Variants in SEC11A observed in about 807,000 individuals in gnomAD.
SEC11A encodes the protein SEC11 homolog A, signal peptidase complex subunit.
A neutral mutation model predicts 25.6 loss-of-function variants in SEC11A; 14 were observed. That is an observed-to-expected ratio of 0.55 (90% CI 0.36 to 0.85). SEC11A has a LOEUF of 0.85. Ranked by LOEUF, SEC11A falls within the 40% of genes least tolerant of loss-of-function variation. SEC11A has a pLI of 0.01. For missense variants in SEC11A, 153 were observed against 222.9 expected, an observed-to-expected ratio of 0.69 and a Z score of 2.00; for synonymous variants, 83 against 76.4, an observed-to-expected ratio of 1.09 and a Z score of -0.45.
At chr15:84,684,837 CAGG>C (rs1567036594) in intron 3 of SEC11A, among the ~76,000 whole-genome samples, 1 of 152,048 alleles carries the variant, frequency 6.6e-6, no homozygotes, top group Admixed American at 6.6e-5. Flanking sequence ...GAGGCTGAGG[CAGG>C]AGAATTGCTT....
chr15:84,687,614 T>C lies in SEC11A; in HGVS notation c.311+11A>G. 6.4e-7 allele frequency: 1 copy of C among 1,564,468 alleles called. No homozygotes were observed. Among genetic ancestry groups the C allele is most frequent in the Non-Finnish European group, 8.6e-7 (1 of 1,166,104 alleles). ...GCACTTAGAAACAAAGATGCTATAC[T>C]TTGCACATACTTTTCATGAATCTTC... On this transcript the variant is annotated intron_variant, in intron 3 of 5. Transcript: ENST00000268220.
At position 84,670,036 on chromosome 15, in the gene SEC11A, G is replaced by T; in HGVS notation, c.523C>A (p.Leu175Met). The T allele has an allele frequency of 6.2e-7, 1 of 1,613,506 alleles. No individual in the cohort carries two copies. The highest frequency in any genetic ancestry group is 1.1e-5 in the South Asian group (1 of 90,994). The change falls in exon 6 of 6, where the codon CTG becomes ATG. Residue 175 changes from leucine to methionine, a missense_variant. Physicochemically the swap from Leu to Met is conservative, Grantham distance 15 (BLOSUM62 2). Coordinates refer to ENST00000268220, the MANE Select transcript of SEC11A (RefSeq NM_014300.4). ...CAGGCTTCTTACTCACGATGAACCA[G>T]CACGAATAAACCCAGCAAAAAGAGA... ...AVLFLLGLFV[L>M]VHRE
rs575871302 is a variant in SEC11A, at chr15:84,677,950, C to T, written c.431+2763G>A. Among the ~76,000 whole-genome samples the T allele has an allele frequency of 1.9e-3, 295 of 152,284 alleles. 2 individuals are homozygous for T. Among genetic ancestry groups the T allele is most frequent in the Non-Finnish European group, 2.1e-3 (145 of 68,022 alleles). ...GTGGCTCATGCCTGTGGTCCCAGCA[C>T]TTTAGGAGACCATGGTAGGCAGGTC... is the stretch of plus-strand genomic sequence containing the variant. On this transcript the variant is annotated intron_variant, in intron 4 of 5. Coordinates refer to ENST00000268220, the MANE Select transcript of SEC11A (RefSeq NM_014300.4).
intron 3 of SEC11A, 44 bp downstream of exon 3, chr15:84,687,581 A>AAACAAAAGCACTT (rs1162323112): frequency 6.7e-7 from 1 of 1,488,580 alleles, no homozygotes; most frequent in Non-Finnish European, 8.9e-7. Flanking sequence ...ACAAACACTT[A>AAACAAAAGCACTT]AACAAAAGCA....
Position 84,669,948 on chromosome 15 carries a change from G to T in SEC11A, c.*71C>A. 1.2e-6 allele frequency: 2 copies of T among 1,608,654 alleles called. No individual in the cohort carries two copies. The highest frequency in any genetic ancestry group is 2.2e-5 in the South Asian group (2 of 89,566). On this transcript the variant is annotated 3_prime_UTR_variant, in exon 6 of 6. Coordinates refer to ENST00000268220, the MANE Select transcript of SEC11A (RefSeq NM_014300.4). ...TGTGTTCTCCATTCCACCAATCACAGACCAGTATCTACTCCAAACATCCAG... is the reference window on the plus strand; with the variant it reads ...TGTGTTCTCCATTCCACCAATCACATACCAGTATCTACTCCAAACATCCAG...
At position 84,716,040 on chromosome 15, in the gene SEC11A, C is replaced by T; in HGVS notation, c.36G>A (p.Arg12=). The change falls in exon 1 of 6, where the codon CGG becomes CGA. Residue 12 remains arginine (R), a synonymous_variant. Transcript: ENST00000268220. Reference sequence around the variant, plus strand: ...ACAAGCTCACCTGCCGCTTGTTCATCCGCCGCACATCGTCCAAAAAGTCTA... The same window carrying T: ...ACAAGCTCACCTGCCGCTTGTTCATTCGCCGCACATCGTCCAAAAAGTCTA... ...LSLDFLDDVR[R]MNKRQLYYQV... 4.3e-6 allele frequency: 7 copies of T among 1,613,730 alleles called. No homozygotes were observed. The highest frequency in any genetic ancestry group is 5.9e-6 in the Non-Finnish European group (7 of 1,179,748).
intron 1 of SEC11A, among the ~76,000 whole-genome samples, chr15:84,710,343 G>C (rs1437758760): frequency 2.0e-5 from 3 of 152,004 alleles, no homozygotes; most frequent in Non-Finnish European, 2.9e-5. Flanking sequence ...GCTCTTAAAG[G>C]TGATTGTTGG....
chr15:84,705,632 A>G (rs1445502837), intron 1 of SEC11A, among the ~76,000 whole-genome samples: 2 of 151,910 alleles, frequency 1.3e-5, no homozygotes, highest in African/African-American at 4.8e-5. Flanking sequence ...AGGCAGGTGG[A>G]TTACCTGAGG....
Position 84,670,707 on chromosome 15 carries a change from A to G in SEC11A, c.489+18T>C. The G allele has an allele frequency of 7.9e-7, 1 of 1,262,972 alleles. No individual in the cohort carries two copies. 78.2% of individuals were successfully genotyped at this position (1,262,972 alleles called of 1,614,324 possible). A position where few individuals can be genotyped will look rare whatever the true frequency, so the allele number is the denominator to read the frequency against. ...AAAGATTACATTTTTTAATAAAACA[A>G]ATAATACAGACTCTTACCTTAAATT... On this transcript the variant is annotated intron_variant, in intron 5 of 5. Coordinates refer to ENST00000268220, the MANE Select transcript of SEC11A (RefSeq NM_014300.4).
chr15:84,688,789 G>A (rs1437565105), intron 2 of SEC11A, among the ~76,000 whole-genome samples: 5 of 152,138 alleles, frequency 3.3e-5, no homozygotes, highest in African/African-American at 9.7e-5. Context: ...CCAGCACTTC[G>A]GGAGGCCGAG....
At chr15:84,710,458 A>C (rs1240512693) in intron 1 of SEC11A, among the ~76,000 whole-genome samples, 6 of 152,000 alleles carry the variant, frequency 3.9e-5, no homozygotes, top group African/African-American at 9.7e-5. Context: ...ACATGGTGAA[A>C]CCTCGTCTCT....
chr15:84,676,670 C>T (rs1897142562), intron 4 of SEC11A, among the ~76,000 whole-genome samples: 1 of 151,658 alleles, frequency 6.6e-6, no homozygotes, highest in African/African-American at 2.4e-5. Context: ...GCTGTAATCC[C>T]AGCTACTCAG....
At chr15:84,697,434 C>T (rs1294795158) in intron 1 of SEC11A, among the ~76,000 whole-genome samples, 1 of 152,026 alleles carries the variant, frequency 6.6e-6, no homozygotes, top group Non-Finnish European at 1.5e-5. Flanking sequence ...GATCATCTTC[C>T]TCATTTTTAT....
chr15:84,709,545 C>A (rs751815581), intron 1 of SEC11A, among the ~76,000 whole-genome samples: 1 of 151,586 alleles, frequency 6.6e-6, no homozygotes, highest in Non-Finnish European at 1.5e-5. Flanking sequence ...TGGGTTCAAG[C>A]GATTCTTCTG....
rs543612547 is a variant in SEC11A at position 84,674,942 on chromosome 15, C to T, written c.432-4160G>A. Among the ~76,000 whole-genome samples, 18 of 152,262 alleles carry T rather than the reference C, an allele frequency of 1.2e-4. No homozygotes were observed. In the South Asian group the frequency reaches 3.7e-3, roughly 32 times the overall value. On this transcript the variant is annotated intron_variant, in intron 4 of 5. Transcript: ENST00000268220. ...ACTTGGTCTTTAGGAGTAATATAAG[C>T]AAGATCTAAGGATCCCAGAATATGA...
intron 1 of SEC11A, among the ~76,000 whole-genome samples, chr15:84,705,838 G>C (rs1898079046): frequency 6.6e-6 from 1 of 151,436 alleles, no homozygotes; most frequent in African/African-American, 2.4e-5. Flanking sequence ...CTGGGCAAGA[G>C]AGCGAGATTC....
At chr15:84,695,738 G>A (rs80165358) in intron 1 of SEC11A, among the ~76,000 whole-genome samples, 2,925 of 152,178 alleles carry the variant, frequency 0.019, 38 homozygotes, top group Non-Finnish European at 0.031. Flanking sequence ...AACATTTCAA[G>A]TTTCATATTC....
intron 2 of SEC11A, 37 bp from the exon 3 acceptor site, chr15:84,687,811 G>GT: frequency 2.6e-6 from 4 of 1,546,888 alleles, no homozygotes; most frequent in Non-Finnish European, 2.6e-6. Context: ...CAAAAAGAAA[G>GT]TATGAGATTA....
chr15:84,696,686 T>C (rs975494437), intron 1 of SEC11A, among the ~76,000 whole-genome samples: 2 of 152,014 alleles, frequency 1.3e-5, no homozygotes, highest in Non-Finnish European at 2.9e-5. Flanking sequence ...TATGGCAATA[T>C]CCCAATATCA....
Sources: gnomAD v4.1 joint callset for allele counts (sites outside exome capture counted in the v4.1 genomes callset) on GRCh38, gnomAD v4.1.1 for gene constraint, MANE v1.5 for transcripts, NCBI Gene and HGNC (gene_info 2026-07-23, HGNC 2026-07-21) for gene names.